The following GALC variants were observed in gnomAD, a reference collection of about 807,000 sequenced individuals.
GALC encodes the protein galactosylceramidase.
GALC carries 77 observed loss-of-function variants against 91.8 expected under a neutral mutation model. That is an observed-to-expected ratio of 0.84 (90% confidence interval 0.70 to 1.01). GALC has a LOEUF of 1.01. Ranked by LOEUF, GALC falls within the 50% of genes least tolerant of loss-of-function variation. The pLI is 0.00. For missense variants in GALC, 882 were observed against 855.9 expected (o/e 1.03, Z -0.38); for synonymous variants, 357 against 306.7 (o/e 1.16, Z -1.71).
At chr14:87,980,475 A>C in intron 6 of GALC, 1 of 980,106 alleles carries the variant, frequency 1.0e-6, no homozygotes, top group Non-Finnish European at 1.2e-6. Context: ...TCCATCTTTC[A>C]TGACTTGTTT....
chr14:87,993,430 G>A (rs933449413), upstream of GALC: 8 of 1,535,748 alleles, frequency 5.2e-6, no homozygotes, highest in South Asian at 8.3e-5. Flanking sequence ...TTAACGCAGG[G>A]AAGGTGGATT....
chr14:87,983,460 A>G (rs76987309), intron 5 of GALC, among the ~76,000 whole-genome samples: 17,211 of 152,246 alleles, frequency 0.11, 1,144 homozygotes, highest in Non-Finnish European at 0.16. Context: ...ATGTAGTATT[A>G]CAGTTTATAT....
At chr14:87,956,593 T>TATACAC (rs140349038) in intron 10 of GALC, among the ~76,000 whole-genome samples, 52 of 139,278 alleles carry the variant, frequency 3.7e-4, no homozygotes, top group Middle Eastern at 7.1e-3. Context: ...ACCATATATA[T>TATACAC]ACACACACAC....
chr14:87,968,459 C>G lies in GALC; in HGVS notation c.784G>C (p.Asp262His), dbSNP rs560248069. The G allele has an allele frequency of 6.2e-7, 1 of 1,613,630 alleles. No homozygotes were observed. The highest frequency in any genetic ancestry group is 1.1e-5 in the South Asian group (1 of 91,070). The change falls in exon 8 of 17, where the codon GAT becomes CAT. Residue 262 changes from aspartate (D) to histidine (H), a missense_variant. Asp to His is a moderately conservative substitution (Grantham distance 81). Transcript: ENST00000261304. ...AGCTTCTTCCCAGTCAACTTTGCAT[C>G]TTTTGCTGAATGGGTTCCAGGATAA... ...AHYPGTHSAKDAKLTGKKLWS... is the reference protein window; with the variant it reads ...AHYPGTHSAKHAKLTGKKLWS...
chr14:87,979,511 A>G (rs1306306617), intron 6 of GALC, among the ~76,000 whole-genome samples: 1 of 152,246 alleles, frequency 6.6e-6, no homozygotes, highest in Non-Finnish European at 1.5e-5. Context: ...TAGAGCAACA[A>G]TTAGTCTTTC....
In GALC at chr14:87,968,334, C is replaced by A. The variant is rs750524447; in HGVS notation, c.908+1G>T. 1.9e-6 allele frequency: 3 copies of A among 1,607,144 alleles called. No individual in the cohort carries two copies. The highest frequency in any genetic ancestry group is 2.5e-6 in the Non-Finnish European group (3 of 1,176,544). On this transcript the variant is annotated splice_donor_variant, in intron 8 of 16. Transcript: ENST00000261304. LOFTEE classifies it high-confidence loss of function. Reference sequence around the variant, plus strand: ...ACTCTAAAAGGTTTTTAATAACTTACGAAGTCATATAGCCATTGATATAAT... The same window carrying A: ...ACTCTAAAAGGTTTTTAATAACTTAAGAAGTCATATAGCCATTGATATAAT...
rs192734324 is a variant in GALC, at chr14:87,982,472, T to C, written c.583-229A>G. ...ACCTTAAAATATTTAGTGGGTATTT[T>C]TCAAAAAGTAATTTATTCCAAAGAT... On this transcript the variant is annotated intron_variant, in intron 5 of 16. Coordinates refer to ENST00000261304, the MANE Select transcript of GALC (RefSeq NM_000153.4). 2.0e-5 allele frequency among the ~76,000 whole-genome samples: 3 copies of C among 152,274 alleles called. No homozygotes were observed. The East Asian group carries it at 5.8e-4, about 29-fold the overall frequency.
rs1268037547 is a variant in GALC at position 87,965,616 on chromosome 14, T to G, written c.922A>C (p.Asn308His). 1 of 1,613,284 alleles carries G rather than the reference T, an allele frequency of 6.2e-7. No homozygotes were observed. The highest frequency in any genetic ancestry group is 8.5e-7 in the Non-Finnish European group (1 of 1,179,556). Residue 308 changes from asparagine to histidine, a missense_variant, in exon 9 of 17, where the codon AAT becomes CAT. By Grantham distance (68) the Asn-to-His change is moderately conservative (BLOSUM62 1). Coordinates refer to ENST00000261304, the MANE Select transcript of GALC (RefSeq NM_000153.4). ...TGTTCATAGTAACTAGCCACTAAAT[T>G]CCATGCGATTGTGCTAAAAGATTTG... ...NGYMTSTIAW[N>H]LVASYYEQLP...
At chr14:87,973,457 T>G (rs1886375891) in intron 7 of GALC, among the ~76,000 whole-genome samples, 1 of 152,140 alleles carries the variant, frequency 6.6e-6, no homozygotes, top group Admixed American at 6.6e-5. Flanking sequence ...GGAAAGAAGG[T>G]GAAATGTAAA....
chr14:87,992,618 G>A (rs1555384269), intron 1 of GALC: 1 of 1,447,684 alleles, frequency 6.9e-7, no homozygotes, highest in Middle Eastern at 2.5e-4. Context: ...CTCCCCGACT[G>A]CCATCTCCGC....
At chr14:87,958,938 A>G (rs1335660802) in intron 10 of GALC, among the ~76,000 whole-genome samples, 1 of 152,224 alleles carries the variant, frequency 6.6e-6, no homozygotes, top group Admixed American at 6.5e-5. Flanking sequence ...GCTGGGCAAG[A>G]ATTTTTTAAA....
chr14:87,935,885 C>T (rs1884547896), intron 16 of GALC, among the ~76,000 whole-genome samples: 1 of 152,042 alleles, frequency 6.6e-6, no homozygotes, highest in South Asian at 2.1e-4. Context: ...CTCCAAGTTA[C>T]CTAGCTCCAA....
chr14:87,940,417 G>T (rs918560808), intron 15 of GALC, among the ~76,000 whole-genome samples: 1 of 151,844 alleles, frequency 6.6e-6, no homozygotes, highest in African/African-American at 2.4e-5. Flanking sequence ...TTAATTTTTG[G>T]AATTAGTGTT....
intron 5 of GALC, among the ~76,000 whole-genome samples, chr14:87,983,410 T>C (rs558849352): frequency 6.6e-6 from 1 of 152,326 alleles, no homozygotes; most frequent in East Asian, 1.9e-4. Context: ...TTCTTCTGAC[T>C]TCCTCCAGCC....
chr14:87,948,463 C>T (rs1407433260), intron 12 of GALC, among the ~76,000 whole-genome samples: 4 of 152,034 alleles, frequency 2.6e-5, no homozygotes, highest in Non-Finnish European at 5.9e-5. Flanking sequence ...ACCTTATAGA[C>T]TGCTGTGAGG....
intron 12 of GALC, among the ~76,000 whole-genome samples, chr14:87,948,600 T>G (rs1885172014): frequency 6.6e-6 from 1 of 152,060 alleles, no homozygotes; most frequent in Non-Finnish European, 1.5e-5. Context: ...TTATGAAATT[T>G]GAACAGTTTT....
In GALC at chr14:87,976,586, C is replaced by G. The variant is rs1227117961; in HGVS notation, c.622-98G>C. ...AGATAAAGTTATCTTTACAAATCAG[C>G]GTTCTGGATAATAGCTTCTTTTGTT... On this transcript the variant is annotated intron_variant, in intron 6 of 16. Coordinates refer to ENST00000261304, the MANE Select transcript of GALC (RefSeq NM_000153.4). 3.0e-6 allele frequency: 3 copies of G among 992,544 alleles called. No individual in the cohort carries two copies. The African/African-American group carries it at 4.8e-5, about 16-fold the overall frequency. The allele number at this position is 992,544 out of a possible 1,614,324, so 61.5% of individuals were successfully genotyped here. A position where few individuals can be genotyped will look rare whatever the true frequency, so the allele number is the denominator to read the frequency against.
chr14:87,988,234 A>G, intron 2 of GALC, 27 bp from the exon 3 acceptor site: 1 of 1,590,502 alleles, frequency 6.3e-7, no homozygotes, highest in Non-Finnish European at 8.6e-7. Context: ...CAGTATTAAC[A>G]TAGTGTTGTA....
At chr14:87,985,637 C>G (rs906083570) in intron 4 of GALC, among the ~76,000 whole-genome samples, 1 of 152,152 alleles carries the variant, frequency 6.6e-6, no homozygotes, top group African/African-American at 2.4e-5. Context: ...TTTCATTAAC[C>G]TGATTGTTGA....
Sources: gnomAD v4.1 joint callset for allele counts (sites outside exome capture counted in the v4.1 genomes callset) on GRCh38, gnomAD v4.1.1 for gene constraint, MANE v1.5 for transcripts, NCBI Gene and HGNC (gene_info 2026-07-23, HGNC 2026-07-21) for gene names.